Variants in AACS observed in about 807,000 individuals in gnomAD.
AACS encodes acetoacetyl-CoA synthetase, also known as acetoacetate-CoA ligase.
Under a neutral mutation model 83.1 loss-of-function variants are expected in AACS, and 69 were observed. That is an observed-to-expected ratio of 0.83 (90% CI 0.68 to 1.01). The LOEUF (loss-of-function observed/expected upper bound fraction) is 1.01. AACS is among the 50% of genes least tolerant of loss of function. AACS has a pLI of 0.00. For missense variants in AACS, 866 were observed against 882.2 expected (o/e 0.98, Z 0.23); for synonymous variants, 333 against 343.4 (o/e 0.97, Z 0.33).
At chr12:125,139,641 G>C (rs990190011) in intron 17 of AACS, 1 of 152,324 alleles carries the variant, frequency 6.6e-6, no homozygotes, top group Admixed American at 6.5e-5. Flanking sequence ...CCACACACCT[G>C]ATCTCAGTTG....
intron 17 of AACS, chr12:125,138,802 C>T (rs763450357): frequency 6.6e-6 from 1 of 152,116 alleles, no homozygotes; most frequent in Non-Finnish European, 1.5e-5. Context: ...TTCGAGCCCT[C>T]ACGGCAGGCT....
chr12:125,099,171 CCT>C (rs1956670852), intron 5 of AACS, among the ~76,000 whole-genome samples: 1 of 152,214 alleles, frequency 6.6e-6, no homozygotes, highest in Admixed American at 6.5e-5. Context: ...GCGATTTCCC[CCT>C]CTGTTAGCCT....
intron 3 of AACS, chr12:125,077,946 T>G (rs1956069670): frequency 2.8e-6 from 1 of 358,122 alleles, no homozygotes; most frequent in Admixed American, 3.7e-5. Context: ...TGACCTCAGG[T>G]GATTCCCCCC....
Position 125,102,793 on chromosome 12 carries a change from G to T in AACS, c.685G>T (p.Gly229Cys), listed in dbSNP as rs773801889. The change falls in exon 6 of 18, where the codon GGC (glycine) becomes TGC (cysteine). Residue 229 changes from glycine to cysteine, a missense_variant and splice_region_variant. Transcript: ENST00000316519. Reference sequence around the variant, plus strand: ...GGAAAAGCTGCAGCAGGTGGTTAAAGGTGTGTGGCCCTTCCGGCTCCCAGC... The same window carrying T: ...GGAAAAGCTGCAGCAGGTGGTTAAATGTGTGTGGCCCTTCCGGCTCCCAGC... ...HMEKLQQVVK[G>C]LPDLKKVVVI... 1.9e-6 allele frequency: 3 copies of T among 1,613,838 alleles called. No homozygotes were observed. Among genetic ancestry groups the T allele is most frequent in the Non-Finnish European group, 2.5e-6 (3 of 1,179,838 alleles).
intron 14 of AACS, among the ~76,000 whole-genome samples, chr12:125,132,279 T>A (rs1957339160): frequency 6.6e-6 from 1 of 152,232 alleles, no homozygotes; most frequent in Admixed American, 6.5e-5. Flanking sequence ...CAGAGTGGAT[T>A]TACATCCTCC....
chr12:125,067,564 G>A (rs1026610835), intron 1 of AACS, among the ~76,000 whole-genome samples: 13 of 150,744 alleles, frequency 8.6e-5, no homozygotes, highest in African/African-American at 2.9e-4. Context: ...TTTAAGCCTC[G>A]CTTTTCTCCC....
intron 3 of AACS, 48 bp from the exon 4 acceptor site, chr12:125,086,282 T>C: frequency 6.4e-7 from 1 of 1,552,710 alleles, no homozygotes; most frequent in Non-Finnish European, 8.9e-7. Context: ...CTTGCAACTT[T>C]TCTTTTTGCG....
chr12:125,103,535 A>G (rs578176981), intron 7 of AACS, among the ~76,000 whole-genome samples: 5 of 135,486 alleles, frequency 3.7e-5, no homozygotes, highest in Non-Finnish European at 8.7e-5. Context: ...GCATGTGTAC[A>G]TGTGTATGTA....
rs1957306063 is a variant in AACS at position 125,129,951 on chromosome 12, C to A, written c.1549+491C>A. 6.6e-6 allele frequency among the ~76,000 whole-genome samples: 1 copy of A among 152,038 alleles called. No homozygotes were observed. Among genetic ancestry groups the A allele is most frequent in the African/African-American group, 2.4e-5 (1 of 41,366 alleles). Reference sequence around the variant, plus strand: ...TTTACAACCCGACACGTCACTCTCACATAGACTGACACCCTTGGGTGTCGT... The same window carrying A: ...TTTACAACCCGACACGTCACTCTCAAATAGACTGACACCCTTGGGTGTCGT... On this transcript the variant is annotated intron_variant, in intron 14 of 17. Transcript: ENST00000316519. This position sits in a 1 kb window ranked among gnomAD's most constrained non-coding sequence, Gnocchi z 4.3.
At chr12:125,134,887 T>G (rs1593010971) in intron 16 of AACS, 35 bp downstream of exon 16, 1 of 1,613,288 alleles carries the variant, frequency 6.2e-7, no homozygotes. Flanking sequence ...TTCTCCAGTC[T>G]CCAGGAAGGA....
chr12:125,102,529 A>G, intron 5 of AACS, 150 bp from the exon 6 acceptor site: 1 of 695,246 alleles, frequency 1.4e-6, no homozygotes, highest in Non-Finnish European at 2.6e-6. Context: ...CAGTGGTGCA[A>G]GCATAGCTCA....
intron 7 of AACS, among the ~76,000 whole-genome samples, chr12:125,103,477 A>C (rs923702893): frequency 2.6e-5 from 4 of 152,104 alleles, no homozygotes; most frequent in Non-Finnish European, 5.9e-5. Context: ...CTACACGTGT[A>C]CACATGCATG....
chr12:125,096,396 A>G (rs1565935803), intron 5 of AACS, among the ~76,000 whole-genome samples: 1 of 152,258 alleles, frequency 6.6e-6, no homozygotes, highest in African/African-American at 2.4e-5. Context: ...CTCTCGGTCC[A>G]TCTTAGAATC....
rs560864028 is a variant in AACS at position 125,107,444 on chromosome 12, G to A, written c.915+176G>A. On this transcript the variant is annotated intron_variant, in intron 8 of 17. Coordinates refer to ENST00000316519, the MANE Select transcript of AACS (RefSeq NM_023928.5). Reference sequence around the variant, plus strand: ...ACGGAGATCCGGCACTGGGCCCAGGGCAGTGGAGTGCTGCCACTTCAAAGG... The same window carrying A: ...ACGGAGATCCGGCACTGGGCCCAGGACAGTGGAGTGCTGCCACTTCAAAGG... Among the ~76,000 whole-genome samples the A allele has an allele frequency of 2.6e-5, 4 of 152,348 alleles. 1 individual carries two copies. Among genetic ancestry groups the A allele is most frequent in the African/African-American group, 7.2e-5 (3 of 41,584 alleles).
chr12:125,074,161 G>A (rs1955954866), intron 2 of AACS, among the ~76,000 whole-genome samples, 182 bp downstream of exon 2: 1 of 152,174 alleles, frequency 6.6e-6, no homozygotes. Flanking sequence ...TTTGCAGCCT[G>A]TTAATCCTCT....
intron 1 of AACS, among the ~76,000 whole-genome samples, chr12:125,071,563 G>A: frequency 6.6e-6 from 1 of 152,246 alleles, no homozygotes; most frequent in East Asian, 1.9e-4. Context: ...AGGCTTTTAA[G>A]TGTGAGCAGC....
intron 5 of AACS, among the ~76,000 whole-genome samples, chr12:125,093,047 C>T (rs542365618): frequency 7.2e-5 from 11 of 152,216 alleles, no homozygotes; most frequent in Non-Finnish European, 1.6e-4. Flanking sequence ...AGTGCAACTG[C>T]ACAGATGGCA....
chr12:125,085,169 G>A (rs1450788535), intron 3 of AACS, among the ~76,000 whole-genome samples: 1 of 152,232 alleles, frequency 6.6e-6, no homozygotes, highest in Non-Finnish European at 1.5e-5. Flanking sequence ...AATTGTGGTG[G>A]TTGCAGGAAA....
At position 125,118,567 on chromosome 12, in the gene AACS, C is replaced by T. The variant is rs930680225; in HGVS notation, c.997-74C>T. 12 of 1,578,538 alleles carry T rather than the reference C, an allele frequency of 7.6e-6. No individual in the cohort carries two copies. In the African/African-American group the frequency reaches 1.3e-4, roughly 18 times the overall value. ...CATCTTAGGTGGTTTCCCAGGGACA[C>T]AGGAAGCTGAGGGGGCAGCGCTGGG... On this transcript the variant is annotated intron_variant, in intron 9 of 17. Coordinates refer to ENST00000316519, the MANE Select transcript of AACS (RefSeq NM_023928.5).
Sources: gnomAD v4.1 joint callset for allele counts (sites outside exome capture counted in the v4.1 genomes callset) on GRCh38, gnomAD v4.1.1 for gene constraint, Gnocchi (gnomAD v3.1) non-coding constraint, MANE v1.5 for transcripts, NCBI Gene and HGNC (gene_info 2026-07-23, HGNC 2026-07-21) for gene names.